Variants in TXNDC16 observed in about 807,000 individuals in gnomAD.
TXNDC16 encodes the protein thioredoxin domain containing 16, also known as thioredoxin domain-containing protein 16.
A neutral mutation model predicts 85.6 loss-of-function variants in TXNDC16; 74 were observed. The observed-to-expected ratio is 0.86, with a 90% CI of 0.72 to 1.05. The LOEUF (loss-of-function observed/expected upper bound fraction) is 1.05, where lower values mean the gene tolerates loss of function less well. Among genes scored for constraint, TXNDC16 ranks in the 50% least tolerant of loss-of-function variants. TXNDC16 has a pLI of 0.00. For synonymous variants in TXNDC16, 335 were observed against 326.5 expected, an observed-to-expected ratio of 1.03 and a Z score of -0.28; for missense variants, 959 against 947.0, an observed-to-expected ratio of 1.01 and a Z score of -0.17.
At chr14:52,549,888 T>G (rs1298077529) in intron 1 of TXNDC16, among the ~76,000 whole-genome samples, 1 of 152,122 alleles carries the variant, frequency 6.6e-6, no homozygotes, top group Non-Finnish European at 1.5e-5. Flanking sequence ...CTGCCCACCT[T>G]GGCTTCCCAA....
At chr14:52,513,121 C>G (rs982901184) in intron 8 of TXNDC16, among the ~76,000 whole-genome samples, 2 of 152,130 alleles carry the variant, frequency 1.3e-5, no homozygotes, top group South Asian at 4.1e-4. Context: ...GTACTGGAGT[C>G]TATGGCATGC....
chr14:52,533,687 T>C (rs1213998521), intron 6 of TXNDC16, among the ~76,000 whole-genome samples: 4 of 152,180 alleles, frequency 2.6e-5, no homozygotes, highest in Non-Finnish European at 5.9e-5. Flanking sequence ...TTTCATCCCT[T>C]GGAATGACCA....
Position 52,499,230 on chromosome 14 carries a change from T to C in TXNDC16, c.757-8225A>G, listed in dbSNP as rs192084673. 9.2e-5 allele frequency among the ~76,000 whole-genome samples: 14 copies of C among 151,954 alleles called. No homozygotes were observed. The East Asian group carries it at 9.7e-4, about 10-fold the overall frequency. Reference sequence around the variant, plus strand: ...AAAGTAAAACTCCTAAAAGAAAACATAGGGGGAAAAGTTTCATGACATTGA... The same window carrying C: ...AAAGTAAAACTCCTAAAAGAAAACACAGGGGGAAAAGTTTCATGACATTGA... On this transcript the variant is annotated intron_variant, in intron 9 of 20. Transcript: ENST00000281741.
intron 15 of TXNDC16, 124 bp from the exon 16 acceptor site, chr14:52,470,297 A>T: frequency 8.7e-6 from 8 of 923,472 alleles, no homozygotes; most frequent in Non-Finnish European, 1.1e-5. Context: ...AAATATAGAA[A>T]ATTAAATATT....
At chr14:52,550,873 T>C (rs1219145125) in intron 1 of TXNDC16, among the ~76,000 whole-genome samples, 2 of 152,214 alleles carry the variant, frequency 1.3e-5, no homozygotes, top group South Asian at 4.1e-4. Flanking sequence ...ATGAGCATCC[T>C]GTCTCCTATT....
chr14:52,445,218 T>G (rs1177385042), intron 18 of TXNDC16, among the ~76,000 whole-genome samples: 1 of 152,190 alleles, frequency 6.6e-6, no homozygotes, highest in Non-Finnish European at 1.5e-5. Flanking sequence ...CTAAAGGAAT[T>G]ACTTAATAAC....
chr14:52,476,287 C>G (rs1212909883), intron 14 of TXNDC16, among the ~76,000 whole-genome samples: 1 of 151,910 alleles, frequency 6.6e-6, no homozygotes, highest in Non-Finnish European at 1.5e-5. Flanking sequence ...CTCACCCCCG[C>G]AAAAAAATCA....
chr14:52,482,887 A>G lies in TXNDC16; in HGVS notation c.1187T>C (p.Leu396Pro). The G allele has an allele frequency of 1.2e-6, 2 of 1,612,388 alleles. No homozygotes were observed. The highest frequency in any genetic ancestry group is 1.7e-6 in the Non-Finnish European group (2 of 1,179,408). ...TGTTGCATTAAATGTTTCTTCTGTT[A>G]GTTCCACTGTAAGTTCCAAAGGTAA... ...RKLPLELTVE[L>P]TEETFNATVM... Residue 396 changes from leucine to proline, a missense_variant, in exon 13 of 21, where the codon CTA (leucine) becomes CCA (proline). Physicochemically the swap from Leu to Pro is moderately conservative, Grantham distance 98. Coordinates refer to ENST00000281741, the MANE Select transcript of TXNDC16 (RefSeq NM_020784.3).
At chr14:52,548,118 GAGA>G (rs998948766) in intron 1 of TXNDC16, among the ~76,000 whole-genome samples, 1 of 152,218 alleles carries the variant, frequency 6.6e-6, no homozygotes, top group Non-Finnish European at 1.5e-5. Context: ...GTCCCAGAAA[GAGA>G]ACACCATAGG....
At chr14:52,454,408 G>A (rs1356138952) in intron 18 of TXNDC16, among the ~76,000 whole-genome samples, 4 of 148,714 alleles carry the variant, frequency 2.7e-5, no homozygotes, top group Non-Finnish European at 5.9e-5. Context: ...CCTGGGTGAC[G>A]GAAGTGAAAC....
chr14:52,434,883 C>A (rs2034990115), intron 20 of TXNDC16, among the ~76,000 whole-genome samples: 1 of 152,112 alleles, frequency 6.6e-6, no homozygotes, highest in Non-Finnish European at 1.5e-5. Context: ...TGATGGAAAC[C>A]CGTAAAGAAT....
chr14:52,439,479 TAAG>T, intron 19 of TXNDC16, 85 bp from the exon 20 acceptor site: 1 of 1,228,718 alleles, frequency 8.1e-7, no homozygotes, highest in Non-Finnish European at 1.1e-6. Context: ...ATTAAACTTT[TAAG>T]TAGTATCATG....
chr14:52,474,242 A>C (rs1270846494), intron 14 of TXNDC16, among the ~76,000 whole-genome samples: 1 of 152,238 alleles, frequency 6.6e-6, no homozygotes, highest in Admixed American at 6.5e-5. Context: ...TGGGGTGGAG[A>C]GAGGGATAAT....
Position 52,432,276 on chromosome 14 carries a change from A to C in TXNDC16, c.*28T>G, listed in dbSNP as rs540316568. 1.4e-5 allele frequency: 21 copies of C among 1,547,714 alleles called. No individual in the cohort carries two copies. Among genetic ancestry groups the C allele is most frequent in the Non-Finnish European group, 1.8e-5 (21 of 1,152,384 alleles). On this transcript the variant is annotated 3_prime_UTR_variant, in exon 21 of 21. Transcript: ENST00000281741. ...ATAAATTAAGTCTATCATGCCAAAAAAATTTTGGAAACCACAGCCCTATAA... is the reference window on the plus strand; with the variant it reads ...ATAAATTAAGTCTATCATGCCAAAACAATTTTGGAAACCACAGCCCTATAA...
intron 18 of TXNDC16, among the ~76,000 whole-genome samples, chr14:52,445,922 TGTAAAA>T (rs974054724): frequency 3.3e-5 from 5 of 152,208 alleles, no homozygotes; most frequent in Non-Finnish European, 7.3e-5. Context: ...GATGCATGAC[TGTAAAA>T]GTAAAACATA....
chr14:52,524,994 C>T (rs143228995), intron 6 of TXNDC16, among the ~76,000 whole-genome samples: 2,038 of 151,978 alleles, frequency 0.013, 44 homozygotes, highest in African/African-American at 0.046. Flanking sequence ...TGGTGGCAAG[C>T]GCCTGTAATC....
intron 14 of TXNDC16, among the ~76,000 whole-genome samples, chr14:52,477,565 AT>A (rs1415029223): frequency 3.3e-5 from 5 of 152,328 alleles, no homozygotes; most frequent in African/African-American, 1.2e-4. Context: ...AACAGCAGTT[AT>A]AAAAAAGACA....
chr14:52,442,012 CT>C (rs1165762362), intron 18 of TXNDC16, among the ~76,000 whole-genome samples: 3 of 152,032 alleles, frequency 2.0e-5, no homozygotes, highest in Non-Finnish European at 4.4e-5. Context: ...AGTAATAAAA[CT>C]TTGAGCAAAG....
rs1431250631 is a variant in TXNDC16, at chr14:52,515,669, A to ATATGTGTG, written c.515-700_515-699insCACACATA. Reference sequence around the variant, plus strand: ...TATCTCAACTCTTTATTTCATACATATGTGTGTGTGTGTGTGTGTGTGTGT... The same window carrying ATATGTGTG: ...TATCTCAACTCTTTATTTCATACATATATGTGTGTGTGTGTGTGTGTGTGTGTGTGTGT... On this transcript the variant is annotated intron_variant, in intron 7 of 20. Transcript: ENST00000281741. 1.7e-3 allele frequency among the ~76,000 whole-genome samples: 251 copies of ATATGTGTG among 144,346 alleles called. 1 individual carries two copies. Among genetic ancestry groups the ATATGTGTG allele is most frequent in the African/African-American group, 5.9e-3 (233 of 39,542 alleles). The allele number at this position is 144,346 out of a possible 152,430, so 94.7% of individuals were successfully genotyped here.
Sources: gnomAD v4.1 joint callset for allele counts (sites outside exome capture counted in the v4.1 genomes callset) on GRCh38, gnomAD v4.1.1 for gene constraint, MANE v1.5 for transcripts, NCBI Gene and HGNC (gene_info 2026-07-23, HGNC 2026-07-21) for gene names.